Variants in MOCOS observed in about 807,000 individuals in gnomAD.
MOCOS encodes the protein molybdenum cofactor sulfurase, also known as human molybdenum cofactor sulfurase.
In MOCOS, 86 loss-of-function variants were observed where a neutral mutation model predicts 83.6. That is an observed-to-expected ratio of 1.03 (90% CI 0.86 to 1.23). The LOEUF is 1.23. Ranked by LOEUF, MOCOS falls within the 50% of genes most tolerant of loss-of-function variation. The pLI, the probability that MOCOS is intolerant of heterozygous loss-of-function variation, is 0.00. For synonymous variants in MOCOS, 445 were observed against 434.7 expected, an observed-to-expected ratio of 1.02 and a Z score of -0.29; for missense variants, 1,120 against 1,126.9, an observed-to-expected ratio of 0.99 and a Z score of 0.09.
At chr18:36,206,361 C>T (rs2091434880) in intron 6 of MOCOS, among the ~76,000 whole-genome samples, 1 of 150,544 alleles carries the variant, frequency 6.6e-6, no homozygotes, top group African/African-American at 2.4e-5. Flanking sequence ...ATTCTCTCAC[C>T]TCAGCCTCCT....
chr18:36,229,878 T>G (rs1339849728), intron 9 of MOCOS, among the ~76,000 whole-genome samples: 2 of 152,152 alleles, frequency 1.3e-5, no homozygotes, highest in Admixed American at 1.3e-4. Context: ...TCTATTTCCT[T>G]GTCGAACTAT....
intron 9 of MOCOS, among the ~76,000 whole-genome samples, chr18:36,248,008 GT>G (rs1378556378): frequency 2.6e-5 from 4 of 151,872 alleles, no homozygotes; most frequent in African/African-American, 9.7e-5. Flanking sequence ...TTTATTTTTA[GT>G]TTTCTGAAGA....
chr18:36,251,623 G>A (rs1002919200), intron 11 of MOCOS, among the ~76,000 whole-genome samples: 2 of 152,158 alleles, frequency 1.3e-5, no homozygotes, highest in South Asian at 4.1e-4. Context: ...TGGAAGCAAG[G>A]AAACCTGGCT....
chr18:36,197,210 T>C (rs2091392041), intron 2 of MOCOS, among the ~76,000 whole-genome samples: 1 of 151,998 alleles, frequency 6.6e-6, no homozygotes, highest in Admixed American at 6.6e-5. Flanking sequence ...TCAGCAGTGG[T>C]GGTGGGATCT....
chr18:36,256,584 G>A (rs777911225), intron 11 of MOCOS, among the ~76,000 whole-genome samples: 1 of 151,888 alleles, frequency 6.6e-6, no homozygotes, highest in African/African-American at 2.4e-5. Flanking sequence ...TGGGTAGCAG[G>A]GATTACAGGT....
intron 13 of MOCOS, among the ~76,000 whole-genome samples, chr18:36,264,590 T>C (rs1016177331): frequency 3.9e-5 from 6 of 152,070 alleles, no homozygotes; most frequent in Non-Finnish European, 7.4e-5. Context: ...TCTCACCAAA[T>C]ACAGCCAAGA....
At chr18:36,227,360 T>G (rs2091521332) in intron 9 of MOCOS, among the ~76,000 whole-genome samples, 1 of 151,884 alleles carries the variant, frequency 6.6e-6, no homozygotes, top group Non-Finnish European at 1.5e-5. Flanking sequence ...CCCTACCGAG[T>G]AGCTGGGACT....
intron 7 of MOCOS, among the ~76,000 whole-genome samples, chr18:36,215,095 C>T (rs1009384595): frequency 6.6e-6 from 1 of 152,220 alleles, no homozygotes; most frequent in East Asian, 1.9e-4. Context: ...CAGGCCTCCC[C>T]TCAGTAATGA....
At chr18:36,193,426 T>G (rs1357158201) in intron 1 of MOCOS, among the ~76,000 whole-genome samples, 1 of 151,576 alleles carries the variant, frequency 6.6e-6, no homozygotes, top group Non-Finnish European at 1.5e-5. Context: ...TAATTTTAAT[T>G]TAATAAACCC....
intron 11 of MOCOS, 68 bp from the exon 12 acceptor site, chr18:36,256,900 C>T (rs1391104129): frequency 7.5e-7 from 1 of 1,329,616 alleles, no homozygotes; most frequent in African/African-American, 1.4e-5. Context: ...AAATACAAGT[C>T]TATGGAAACA....
At position 36,216,870 on chromosome 18, in the gene MOCOS, G is replaced by A. The variant is rs1231672905; in HGVS notation, c.1797+893G>A. Among the ~76,000 whole-genome samples the A allele has an allele frequency of 3.3e-5, 5 of 152,266 alleles. No individual in the cohort carries two copies. The East Asian group carries it at 9.6e-4, about 29-fold the overall frequency. ...TCACCAACATTGGGACAAATGAATG[G>A]GGTGTGTCTCCTGGGATGTACAGAG... On this transcript the variant is annotated intron_variant, in intron 8 of 14. Coordinates refer to ENST00000261326, the MANE Select transcript of MOCOS (RefSeq NM_017947.4).
chr18:36,195,915 G>T (rs531035537), intron 2 of MOCOS, among the ~76,000 whole-genome samples: 1 of 147,890 alleles, frequency 6.8e-6, no homozygotes, highest in African/African-American at 2.5e-5. Context: ...GGGTTGGCTT[G>T]TGCATGTCTA....
At chr18:36,264,126 C>T (rs1370866864) in intron 13 of MOCOS, among the ~76,000 whole-genome samples, 1 of 151,990 alleles carries the variant, frequency 6.6e-6, no homozygotes, top group African/African-American at 2.4e-5. Flanking sequence ...AGAGAGCTGC[C>T]TGGGTGACAA....
At chr18:36,262,367 T>A (rs904288946) in intron 13 of MOCOS, among the ~76,000 whole-genome samples, 1 of 151,710 alleles carries the variant, frequency 6.6e-6, no homozygotes, top group African/African-American at 2.4e-5. Flanking sequence ...AAGCCTGTAG[T>A]GAATCAAGAT....
At chr18:36,237,495 G>C (rs1290374971) in intron 9 of MOCOS, among the ~76,000 whole-genome samples, 1 of 152,184 alleles carries the variant, frequency 6.6e-6, no homozygotes, top group African/African-American at 2.4e-5. Flanking sequence ...GTTGATCATG[G>C]TGGATAAGCT....
At chr18:36,207,559 CA>C (rs139529019) in intron 6 of MOCOS, among the ~76,000 whole-genome samples, 8,587 of 152,114 alleles carry the variant, frequency 0.056, 283 homozygotes, top group East Asian at 0.099. Context: ...TGATGTCGAA[CA>C]TTTTTTTCAT....
intron 1 of MOCOS, among the ~76,000 whole-genome samples, chr18:36,194,588 G>A (rs13381081): frequency 0.15 from 22,387 of 152,152 alleles, 1,867 homozygotes; most frequent in East Asian, 0.32. Context: ...CAAAGGGTGT[G>A]TACATTTTAA....
At chr18:36,258,357 C>A (rs1188650581) in intron 12 of MOCOS, among the ~76,000 whole-genome samples, 2 of 152,134 alleles carry the variant, frequency 1.3e-5, no homozygotes, top group Non-Finnish European at 2.9e-5. Flanking sequence ...AGCTTTTGGA[C>A]ATAAAACATG....
chr18:36,218,488 CT>C (rs1323102012), intron 8 of MOCOS, among the ~76,000 whole-genome samples: 1 of 152,070 alleles, frequency 6.6e-6, no homozygotes, highest in East Asian at 1.9e-4. Context: ...TTCTTACTTG[CT>C]ACTCACTTTA....
Sources: gnomAD v4.1 joint callset for allele counts (sites outside exome capture counted in the v4.1 genomes callset) on GRCh38, gnomAD v4.1.1 for gene constraint, MANE v1.5 for transcripts, NCBI Gene and HGNC (gene_info 2026-07-23, HGNC 2026-07-21) for gene names.